Variants in RALYL observed in about 807,000 individuals in gnomAD.
The protein encoded by RALYL is RNA-binding Raly-like protein.
RALYL carries 29 observed loss-of-function variants against 35.1 expected under a neutral mutation model. The observed-to-expected ratio is 0.83, with a 90% CI of 0.61 to 1.13. RALYL has a LOEUF of 1.13. Among genes scored for constraint, RALYL ranks in the 50% most tolerant of loss-of-function variants. RALYL has a pLI of 0.00. For missense variants in RALYL, 359 were observed against 360.4 expected, an observed-to-expected ratio of 1.00 and a Z score of 0.03; for synonymous variants, 120 against 127.6, an observed-to-expected ratio of 0.94 and a Z score of 0.40.
chr8:84,672,878 T>A (rs1234264033), intron 2 of RALYL, among the ~76,000 whole-genome samples: 1 of 152,134 alleles, frequency 6.6e-6, no homozygotes, highest in African/African-American at 2.4e-5. Flanking sequence ...AACCAAACCA[T>A]ATCAACCAAA....
At chr8:84,318,200 C>A (rs1844126935) in intron 1 of RALYL, among the ~76,000 whole-genome samples, 1 of 149,932 alleles carries the variant, frequency 6.7e-6, no homozygotes, top group African/African-American at 2.5e-5. Context: ...CAAATTCAAG[C>A]ATGGGACCCT....
chr8:84,340,426 T>G (rs1848595925), intron 1 of RALYL, among the ~76,000 whole-genome samples: 1 of 152,120 alleles, frequency 6.6e-6, no homozygotes, highest in Non-Finnish European at 1.5e-5. Flanking sequence ...TCCATTGAAC[T>G]GCAACTCCCC....
intron 1 of RALYL, among the ~76,000 whole-genome samples, chr8:84,288,508 TGTGGAAA>T (rs1838118447): frequency 6.8e-6 from 1 of 148,044 alleles, no homozygotes; most frequent in African/African-American, 2.4e-5. Context: ...TGAAATTCTG[TGTGGAAA>T]GTTTTTAATG....
At position 84,279,652 on chromosome 8, in the gene RALYL, A is replaced by G. The variant is rs371796935; in HGVS notation, c.-24+95228A>G. 1.5e-4 allele frequency among the ~76,000 whole-genome samples: 23 copies of G among 152,288 alleles called. No homozygotes were observed. The East Asian group carries it at 3.9e-3, about 26-fold the overall frequency. ...ATGTTATTTGTGGAGGCTTTGGAGG[A>G]GCATCCACTTTCTTGCTTTTTTTCA... is the stretch of plus-strand genomic sequence containing the variant. On this transcript the variant is annotated intron_variant, in intron 1 of 8. Coordinates refer to ENST00000521268, the MANE Select transcript of RALYL (RefSeq NM_173848.7).
intron 1 of RALYL, among the ~76,000 whole-genome samples, chr8:84,456,446 G>A (rs1445100668): frequency 6.6e-6 from 1 of 151,894 alleles, no homozygotes; most frequent in Non-Finnish European, 1.5e-5. Context: ...CTACTCCTGG[G>A]CATCCAGCCC....
intron 1 of RALYL, among the ~76,000 whole-genome samples, chr8:84,496,335 C>T (rs2056014669): frequency 6.6e-6 from 1 of 152,146 alleles, no homozygotes; most frequent in South Asian, 2.1e-4. Flanking sequence ...GTTGTGGTCT[C>T]AAGTTTGCAA....
At chr8:84,302,938 G>A (rs1254543984) in intron 1 of RALYL, among the ~76,000 whole-genome samples, 1 of 152,218 alleles carries the variant, frequency 6.6e-6, no homozygotes, top group Non-Finnish European at 1.5e-5. Flanking sequence ...TAGTTGGCGA[G>A]ACTTTGAGAT....
At chr8:84,745,620 C>T (rs1808432001) in intron 2 of RALYL, among the ~76,000 whole-genome samples, 1 of 151,984 alleles carries the variant, frequency 6.6e-6, no homozygotes, top group African/African-American at 2.4e-5. Context: ...TGCAAGGTAG[C>T]ATATAAGATT....
chr8:84,917,955 T>C (rs974767965), intron 8 of RALYL, among the ~76,000 whole-genome samples: 8 of 151,964 alleles, frequency 5.3e-5, no homozygotes, highest in Non-Finnish European at 4.4e-5. Flanking sequence ...TATATTCACA[T>C]TGTCTATAAA....
rs1277194505 is a variant in RALYL, at chr8:84,906,942, T to C, written c.859-13952T>C. ...GCTGTCTTTAGAATGTCTCTGAATA[T>C]GGAAAATCACAAGCTCCGGGGTTGC... On this transcript the variant is annotated intron_variant, in intron 8 of 8. Coordinates refer to ENST00000521268, the MANE Select transcript of RALYL (RefSeq NM_173848.7). The C allele has an allele frequency of 9.1e-6, 9 of 985,038 alleles. No homozygotes were observed. The South Asian group carries it at 3.3e-4, about 36-fold the overall frequency. 61.0% of individuals were successfully genotyped at this position (985,038 alleles called of 1,614,324 possible).
intron 1 of RALYL, among the ~76,000 whole-genome samples, chr8:84,280,338 A>G (rs1231509787): frequency 6.6e-6 from 1 of 152,104 alleles, no homozygotes; most frequent in Non-Finnish European, 1.5e-5. Context: ...AAAACAATAT[A>G]CCAAAATTTC....
At chr8:84,821,194 CAG>C (rs1299567733) in intron 4 of RALYL, among the ~76,000 whole-genome samples, 2 of 152,140 alleles carry the variant, frequency 1.3e-5, no homozygotes, top group Non-Finnish European at 2.9e-5. Flanking sequence ...GCATTTATTT[CAG>C]ACAGTTCAAA....
At chr8:84,467,072 G>A (rs1260720767) in intron 1 of RALYL, among the ~76,000 whole-genome samples, 3 of 151,732 alleles carry the variant, frequency 2.0e-5, no homozygotes, top group Non-Finnish European at 4.4e-5. Flanking sequence ...TATCAATTTT[G>A]TTGATCCTTT....
At chr8:84,337,012 G>A (rs1847925033) in intron 1 of RALYL, among the ~76,000 whole-genome samples, 1 of 150,416 alleles carries the variant, frequency 6.6e-6, no homozygotes, top group African/African-American at 2.4e-5. Context: ...GGAATAACCT[G>A]TCTGTGTATC....
At chr8:84,511,061 C>T (rs2057575868) in intron 1 of RALYL, among the ~76,000 whole-genome samples, 1 of 152,176 alleles carries the variant, frequency 6.6e-6, no homozygotes, top group Non-Finnish European at 1.5e-5. Context: ...CTTTGATAAA[C>T]AGCTCTCCAT....
At chr8:84,688,412 C>G (rs917318388) in intron 2 of RALYL, among the ~76,000 whole-genome samples, 1 of 151,988 alleles carries the variant, frequency 6.6e-6, no homozygotes, top group East Asian at 1.9e-4. Context: ...AAGAGAGAAC[C>G]CAGAAATACA....
chr8:84,257,972 T>C (rs186627107), intron 1 of RALYL, among the ~76,000 whole-genome samples: 31 of 152,256 alleles, frequency 2.0e-4, no homozygotes, highest in Admixed American at 2.0e-3. Flanking sequence ...CAGGGACAAA[T>C]AGAAATAAAA....
At chr8:84,293,444 A>T (rs1310623066) in intron 1 of RALYL, among the ~76,000 whole-genome samples, 1 of 152,030 alleles carries the variant, frequency 6.6e-6, no homozygotes, top group Non-Finnish European at 1.5e-5. Flanking sequence ...CCCTCACATC[A>T]TCTATAGGAA....
intron 2 of RALYL, among the ~76,000 whole-genome samples, chr8:84,666,948 A>G (rs552706783): frequency 3.1e-4 from 47 of 152,226 alleles, no homozygotes; most frequent in Non-Finnish European, 6.0e-4. Context: ...TGCTATATCA[A>G]TTAGGAAAGA....
Sources: allele counts gnomAD v4.1 joint callset (sites outside exome capture counted in the v4.1 genomes callset), GRCh38; gene constraint gnomAD v4.1.1; transcripts MANE v1.5; gene names NCBI Gene and HGNC (gene_info 2026-07-23, HGNC 2026-07-21).